SP4: variants seen among roughly 807,000 people sequenced by gnomAD.
SP4 encodes the protein transcription factor Sp4.
Under a neutral mutation model 72.8 loss-of-function variants are expected in SP4, and 19 were observed. The ratio of observed to expected loss-of-function variants is 0.26; its 90% CI spans 0.18 to 0.38. The LOEUF is 0.38. Among genes scored for constraint, SP4 ranks in the 10% least tolerant of loss-of-function variants. The pLI is 1.00. For synonymous variants in SP4, 395 were observed against 333.1 expected, an observed-to-expected ratio of 1.19 and a Z score of -2.02; for missense variants, 1,008 against 926.3, an observed-to-expected ratio of 1.09 and a Z score of -1.14.
Position 21,428,800 on chromosome 7 carries a change from C to T in SP4, c.123+8C>T, listed in dbSNP as rs1782722883. The T allele has an allele frequency of 6.5e-7, 1 of 1,543,402 alleles. No homozygotes were observed. ...AAAACCTCAGGCTCCCAGGTAAAAG[C>T]AAACAAATTAAAAAAATTCATCACG... is the stretch of plus-strand genomic sequence containing the variant. On this transcript the variant is annotated splice_region_variant and intron_variant, in intron 2 of 5. Transcript: ENST00000222584.
At chr7:21,477,009 AT>A (rs3214203) in intron 3 of SP4, 69 bp from the exon 4 acceptor site, 585,135 of 1,046,900 alleles carry the variant, frequency 0.56, 151,624 homozygotes, top group Middle Eastern at 0.64. Flanking sequence ...ATGCACATAG[AT>A]TTTTTTTTTT....
At chr7:21,449,843 A>G (rs1783537118) in intron 3 of SP4, among the ~76,000 whole-genome samples, 1 of 151,870 alleles carries the variant, frequency 6.6e-6, no homozygotes, top group African/African-American at 2.4e-5. Flanking sequence ...TTATTGGGAA[A>G]AAAATTATAG....
rs192918846 is a variant in SP4, at chr7:21,471,017, A to G, written c.1679-6062A>G. 609 of 533,776 alleles carry G rather than the reference A, an allele frequency of 1.1e-3. 1 individual carries two copies. Among genetic ancestry groups the G allele is most frequent in the African/African-American group, 0.01 (530 of 52,044 alleles). The allele number at this position is 533,776 out of a possible 1,614,324, so 33.1% of individuals were successfully genotyped here. A position where few individuals can be genotyped will look rare whatever the true frequency, so the allele number is the denominator to read the frequency against. On this transcript the variant is annotated intron_variant, in intron 3 of 5. Transcript: ENST00000222584. ...ATAGACTTTTGTCAGACCAAGGGAG[A>G]TGGAGGTTTGGGGTGGGAGAATGTG...
intron 3 of SP4, among the ~76,000 whole-genome samples, chr7:21,461,700 G>C (rs1380420460): frequency 6.6e-6 from 1 of 152,228 alleles, no homozygotes; most frequent in Admixed American, 6.5e-5. Context: ...CCACGATGCA[G>C]CGGTGGGCTG....
At chr7:21,501,599 G>C (rs1456266361) in intron 5 of SP4, among the ~76,000 whole-genome samples, 2 of 152,182 alleles carry the variant, frequency 1.3e-5, no homozygotes, top group African/African-American at 2.4e-5. Flanking sequence ...ACAATTATGA[G>C]AGATGTAAGG....
At chr7:21,433,841 G>A (rs1298965578) in intron 3 of SP4, among the ~76,000 whole-genome samples, 1 of 152,164 alleles carries the variant, frequency 6.6e-6, no homozygotes, top group East Asian at 1.9e-4. Flanking sequence ...TCAGGAGGCT[G>A]AGGCAGGAGA....
intron 5 of SP4, among the ~76,000 whole-genome samples, chr7:21,500,642 T>A (rs1467167755): frequency 6.6e-6 from 1 of 152,160 alleles, no homozygotes; most frequent in African/African-American, 2.4e-5. Flanking sequence ...CTCCAGTGTT[T>A]ACACTTGGAG....
chr7:21,502,195 C>G (rs1212843515), intron 5 of SP4, among the ~76,000 whole-genome samples: 5 of 152,164 alleles, frequency 3.3e-5, no homozygotes, highest in Admixed American at 6.5e-5. Flanking sequence ...GCACAAGTCC[C>G]AGTCCAATTG....
chr7:21,479,085 G>A (rs1346499513), intron 4 of SP4, among the ~76,000 whole-genome samples: 1 of 149,542 alleles, frequency 6.7e-6, no homozygotes, highest in African/African-American at 2.5e-5. Context: ...AAAAAAGAAA[G>A]AAAAAAGAAA....
At chr7:21,507,627 A>G (rs1782032835) in intron 5 of SP4, among the ~76,000 whole-genome samples, 1 of 152,132 alleles carries the variant, frequency 6.6e-6, no homozygotes, top group Admixed American at 6.5e-5. Flanking sequence ...TATTATTCAC[A>G]TAGAGAATTA....
rs143137251 is a variant in SP4, at chr7:21,511,107, T to C, written c.2193T>C (p.Asn731=). 31 of 1,613,944 alleles carry C rather than the reference T, an allele frequency of 1.9e-5. No homozygotes were observed. The highest frequency in any genetic ancestry group is 1.4e-5 in the Non-Finnish European group (16 of 1,179,988). ...HLSKHVKTHQ[N]KKGGGTALAI... is the part of the protein sequence containing the mutation. ...CCAAACATGTCAAAACGCACCAGAA[T>C]AAAAAAGGTGGTGGGACAGCTCTTG... The change falls in exon 6 of 6, where the codon AAT becomes AAC. Residue 731 remains asparagine, a synonymous_variant. Transcript: ENST00000222584.
At chr7:21,473,627 A>G (rs543159481) in intron 3 of SP4, among the ~76,000 whole-genome samples, 1 of 152,330 alleles carries the variant, frequency 6.6e-6, no homozygotes, top group East Asian at 1.9e-4. Context: ...GGGAGCTTTT[A>G]GATGGGATGG....
intron 3 of SP4, among the ~76,000 whole-genome samples, chr7:21,467,687 T>G (rs1163462096): frequency 1.3e-5 from 2 of 152,180 alleles, no homozygotes; most frequent in Non-Finnish European, 1.5e-5. Flanking sequence ...TGAGAGGACC[T>G]TAGACATTTT....
At chr7:21,485,735 G>A (rs943541074) in intron 5 of SP4, among the ~76,000 whole-genome samples, 1 of 151,750 alleles carries the variant, frequency 6.6e-6, no homozygotes, top group Non-Finnish European at 1.5e-5. Flanking sequence ...TTCTTGTATT[G>A]TTTGACTTTA....
rs1426461516 is a variant in SP4, at chr7:21,512,399, T to A, written c.*1130T>A. ...TTATAACACAGTAATGTTTTTATGTTACATCAATAACTGAATTTTCCCTAA... is the reference window on the plus strand; with the variant it reads ...TTATAACACAGTAATGTTTTTATGTAACATCAATAACTGAATTTTCCCTAA... On this transcript the variant is annotated 3_prime_UTR_variant, in exon 6 of 6. Transcript: ENST00000222584. The A allele has an allele frequency of 6.6e-6, 1 of 152,424 alleles. No individual in the cohort carries two copies. The highest frequency in any genetic ancestry group is 1.5e-5 in the Non-Finnish European group (1 of 68,040). 9.4% of individuals were successfully genotyped at this position (152,424 alleles called of 1,614,324 possible).
At chr7:21,504,503 C>T (rs761113950) in intron 5 of SP4, among the ~76,000 whole-genome samples, 4 of 152,092 alleles carry the variant, frequency 2.6e-5, no homozygotes, top group African/African-American at 7.2e-5. Context: ...ATCTCTCGTT[C>T]GTCACAACTC....
chr7:21,508,585 C>T (rs1485978973), intron 5 of SP4, among the ~76,000 whole-genome samples: 1 of 152,126 alleles, frequency 6.6e-6, no homozygotes, highest in Non-Finnish European at 1.5e-5. Context: ...CCTCAGCCTC[C>T]TAAAGTGCTG....
intron 1 of SP4, 79 bp from the exon 2 acceptor site, chr7:21,428,598 A>G (rs1583364053): frequency 1.5e-6 from 2 of 1,297,614 alleles, no homozygotes; most frequent in South Asian, 1.4e-5. Flanking sequence ...GAGGGGGGAG[A>G]AGAGGAGAGG....
chr7:21,487,217 G>GT (rs1278475022), intron 5 of SP4, among the ~76,000 whole-genome samples: 3 of 152,192 alleles, frequency 2.0e-5, no homozygotes, highest in South Asian at 2.1e-4. Flanking sequence ...CCCCTGTTTT[G>GT]TTTTTAACGC....
Sources: gnomAD v4.1 joint callset for allele counts (sites outside exome capture counted in the v4.1 genomes callset) on GRCh38, gnomAD v4.1.1 for gene constraint, MANE v1.5 for transcripts, NCBI Gene and HGNC (gene_info 2026-07-23, HGNC 2026-07-21) for gene names.